Variants in AGBL4 observed in about 807,000 individuals in gnomAD.
AGBL4 encodes the protein cytosolic carboxypeptidase 6.
Under a neutral mutation model 66.4 loss-of-function variants are expected in AGBL4, and 58 were observed. That is an observed-to-expected ratio of 0.87 (90% confidence interval 0.71 to 1.09). AGBL4 has a LOEUF of 1.09. Ranked by LOEUF, AGBL4 falls within the 50% of genes least tolerant of loss-of-function variation. The pLI is 0.00. For missense variants in AGBL4, 579 were observed against 631.0 expected, an observed-to-expected ratio of 0.92 and a Z score of 0.88; for synonymous variants, 234 against 222.9, an observed-to-expected ratio of 1.05 and a Z score of -0.44.
intron 1 of AGBL4, among the ~76,000 whole-genome samples, chr1:49,859,230 A>G (rs1394442319): frequency 1.3e-5 from 2 of 152,208 alleles, no homozygotes; most frequent in Non-Finnish European, 2.9e-5. Flanking sequence ...AACAATGTTA[A>G]CTCCTAATTT....
At chr1:49,328,440 C>G (rs544102128) in intron 3 of AGBL4, among the ~76,000 whole-genome samples, 2 of 152,242 alleles carry the variant, frequency 1.3e-5, no homozygotes, top group South Asian at 4.2e-4. Context: ...GGTTTTCTCA[C>G]GTATAAACCA....
chr1:49,756,320 T>C (rs918821211), intron 2 of AGBL4, among the ~76,000 whole-genome samples: 1 of 151,118 alleles, frequency 6.6e-6, no homozygotes, highest in African/African-American at 2.4e-5. Flanking sequence ...CAAGAATAAG[T>C]AGAAAAAAAA....
At chr1:48,924,836 T>G (rs1488412241) in intron 5 of AGBL4, among the ~76,000 whole-genome samples, 2 of 151,970 alleles carry the variant, frequency 1.3e-5, no homozygotes, top group Non-Finnish European at 2.9e-5. Context: ...AAGATTTGAG[T>G]GCTATTATCA....
intron 3 of AGBL4, among the ~76,000 whole-genome samples, chr1:49,284,129 G>T (rs1644348283): frequency 6.6e-6 from 1 of 152,090 alleles, no homozygotes; most frequent in South Asian, 2.1e-4. Flanking sequence ...GAAAGGTCGG[G>T]TTACCCTCAA....
intron 3 of AGBL4, among the ~76,000 whole-genome samples, chr1:49,375,565 T>C (rs1007241767): frequency 2.0e-5 from 3 of 152,070 alleles, no homozygotes; most frequent in Admixed American, 6.6e-5. Context: ...GAAATGTAAA[T>C]GCATTTCCTT....
At chr1:49,808,049 A>C (rs1386304969) in intron 2 of AGBL4, among the ~76,000 whole-genome samples, 1 of 152,230 alleles carries the variant, frequency 6.6e-6, no homozygotes, top group Non-Finnish European at 1.5e-5. Context: ...AGTTTACGGT[A>C]CTTTGTTATA....
At chr1:49,814,331 T>C (rs570366735) in intron 2 of AGBL4, among the ~76,000 whole-genome samples, 3 of 152,202 alleles carry the variant, frequency 2.0e-5, no homozygotes, top group South Asian at 4.1e-4. Flanking sequence ...GTAGCGTATT[T>C]AAGGAACAGG....
intron 2 of AGBL4, among the ~76,000 whole-genome samples, chr1:49,836,408 G>C (rs1293550815): frequency 6.6e-6 from 1 of 152,120 alleles, no homozygotes; most frequent in African/African-American, 2.4e-5. Flanking sequence ...TTCTCGTCCT[G>C]TGTTTTTCAG....
chr1:49,233,784 T>C (rs1650511395), intron 4 of AGBL4, among the ~76,000 whole-genome samples: 1 of 152,194 alleles, frequency 6.6e-6, no homozygotes, highest in South Asian at 2.1e-4. Flanking sequence ...GAGTAAATAT[T>C]TGAAGTAAAG....
chr1:49,171,166 T>G (rs1338253534), intron 4 of AGBL4, among the ~76,000 whole-genome samples: 2 of 152,224 alleles, frequency 1.3e-5, no homozygotes, highest in Admixed American at 1.3e-4. Context: ...GAATCTACCA[T>G]ACATATTCTA....
At chr1:49,225,488 G>A (rs1649844191) in intron 4 of AGBL4, among the ~76,000 whole-genome samples, 1 of 152,184 alleles carries the variant, frequency 6.6e-6, no homozygotes, top group Non-Finnish European at 1.5e-5. Context: ...CAGGCTTCCA[G>A]TCAGGCAGAT....
chr1:49,969,755 A>C (rs1657894017), intron 1 of AGBL4, among the ~76,000 whole-genome samples: 1 of 152,198 alleles, frequency 6.6e-6, no homozygotes, highest in Non-Finnish European at 1.5e-5. Flanking sequence ...TTATCTATTC[A>C]TCCACTGATA....
chr1:49,848,698 G>T (rs1646222422), intron 2 of AGBL4, among the ~76,000 whole-genome samples: 1 of 152,116 alleles, frequency 6.6e-6, no homozygotes, highest in Non-Finnish European at 1.5e-5. Context: ...AAATTATTTA[G>T]TCGGTACAAT....
At chr1:49,971,910 T>TTTTTTTTTTTG (rs1658138174) in intron 1 of AGBL4, among the ~76,000 whole-genome samples, 1 of 4,718 alleles carries the variant, frequency 2.1e-4, no homozygotes, top group Non-Finnish European at 9.9e-4. Context: ...TTTTTGGGTT[T>TTTTTTTTTTTG]TTTTTTTTTT....
At chr1:49,990,733 A>C (rs1659878136) in intron 1 of AGBL4, among the ~76,000 whole-genome samples, 1 of 152,230 alleles carries the variant, frequency 6.6e-6, no homozygotes, top group African/African-American at 2.4e-5. Context: ...CAAGCTATTT[A>C]ACAACACGAG....
chr1:48,887,683 C>A (rs1650506047), intron 5 of AGBL4, among the ~76,000 whole-genome samples: 1 of 152,092 alleles, frequency 6.6e-6, no homozygotes, highest in Admixed American at 6.5e-5. Context: ...TACTGATGTC[C>A]TACTTTGCTT....
Position 49,223,471 on chromosome 1 carries a change from T to G in AGBL4, c.377+22299A>C, listed in dbSNP as rs1485408369. ...GCAGCCATTCTTTCATTTTAGCTCC[T>G]TCTCAGCTGTTATGTTTCGTTTCTT... On this transcript the variant is annotated intron_variant, in intron 4 of 13. Transcript: ENST00000371839. Among the ~76,000 whole-genome samples, 3 of 152,252 alleles carry G rather than the reference T, an allele frequency of 2.0e-5. No individual in the cohort carries two copies. The East Asian group carries it at 5.8e-4, about 29-fold the overall frequency.
chr1:49,113,818 G>A (rs544739270), intron 4 of AGBL4, among the ~76,000 whole-genome samples: 1 of 152,292 alleles, frequency 6.6e-6, no homozygotes, highest in African/African-American at 2.4e-5. Flanking sequence ...TCAGTGAGCT[G>A]TAATATTTTT....
intron 7 of AGBL4, among the ~76,000 whole-genome samples, chr1:48,657,164 C>T (rs1316661831): frequency 6.6e-6 from 1 of 152,188 alleles, no homozygotes; most frequent in Admixed American, 6.5e-5. Flanking sequence ...TGGCCTTAAC[C>T]TCCCAGTTCC....
Sources: allele counts gnomAD v4.1 joint callset (sites outside exome capture counted in the v4.1 genomes callset), GRCh38; gene constraint gnomAD v4.1.1; transcripts MANE v1.5; gene names NCBI Gene and HGNC (gene_info 2026-07-23, HGNC 2026-07-21).